The following B4GALT6 variants were observed in gnomAD, a reference collection of about 807,000 sequenced individuals.
The protein encoded by B4GALT6 is UDP-Gal:beta-GlcNAc beta-1,4-galactosyltransferase 6.
B4GALT6 carries 14 observed loss-of-function variants against 46.3 expected under a neutral mutation model. The observed-to-expected ratio is 0.30, with a 90% CI of 0.20 to 0.47. The LOEUF is 0.47. Ranked by LOEUF, B4GALT6 falls within the 20% of genes least tolerant of loss-of-function variation. B4GALT6 has a pLI of 0.99. For missense variants in B4GALT6, 386 were observed against 480.1 expected (o/e 0.80, Z 1.83); for synonymous variants, 168 against 162.0 (o/e 1.04, Z -0.28).
rs949043435 is a variant in B4GALT6, at chr18:31,622,524, T to C, written c.*3090A>G. ...TTTGAAAAACACATAAAGAAATATA[T>C]CAAAGACAAGCAAAGGCCAAATAAA... On this transcript the variant is annotated 3_prime_UTR_variant, in exon 9 of 9. Transcript: ENST00000306851. The C allele has an allele frequency of 3.3e-5, 5 of 151,920 alleles. No individual in the cohort carries two copies. Among genetic ancestry groups the C allele is most frequent in the African/African-American group, 1.2e-4 (5 of 41,398 alleles). The allele number at this position is 151,920 out of a possible 1,614,324, so 9.4% of individuals were successfully genotyped here.
In B4GALT6 at chr18:31,626,351, T is replaced by C; in HGVS notation, c.933A>G (p.Pro311=). 1 of 1,607,508 alleles carries C rather than the reference T, an allele frequency of 6.2e-7. No individual in the cohort carries two copies. Among genetic ancestry groups the C allele is most frequent in the Admixed American group, 1.7e-5 (1 of 59,844 alleles). ...VHYAGYNVTR[P]EGDLGKYKSI... Reference sequence around the variant, plus strand: ...ACTTGTATTTTCCTAAGTCTCCCTCTGGTCTGGTTACATTATATCCAGCAT... The same window carrying C: ...ACTTGTATTTTCCTAAGTCTCCCTCCGGTCTGGTTACATTATATCCAGCAT... The change falls in exon 8 of 9, where the codon CCA becomes CCG. Residue 311 remains proline, a synonymous_variant. Transcript: ENST00000306851.
intron 1 of B4GALT6, among the ~76,000 whole-genome samples, chr18:31,672,282 A>G (rs2074365508): frequency 6.6e-6 from 1 of 152,178 alleles, no homozygotes; most frequent in African/African-American, 2.4e-5. Context: ...TGAGAGGGAG[A>G]TGATGATCTT....
At chr18:31,638,998 A>G (rs2073897639) in intron 4 of B4GALT6, among the ~76,000 whole-genome samples, 1 of 152,232 alleles carries the variant, frequency 6.6e-6, no homozygotes, top group African/African-American at 2.4e-5. Flanking sequence ...TGTGGCCTTT[A>G]ACCTATGAAC....
chr18:31,647,909 A>G (rs77665596), intron 3 of B4GALT6, among the ~76,000 whole-genome samples: 1 of 152,208 alleles, frequency 6.6e-6, no homozygotes, highest in African/African-American at 2.4e-5. Context: ...CTCCCCCAAC[A>G]CAGCCACTTT....
intron 4 of B4GALT6, among the ~76,000 whole-genome samples, chr18:31,642,311 G>A (rs2073940024): frequency 6.6e-6 from 1 of 152,122 alleles, no homozygotes; most frequent in African/African-American, 2.4e-5. Flanking sequence ...TCAAAGCACT[G>A]GGATTACGGG....
the B4GALT6 span, among the ~76,000 whole-genome samples, chr18:31,721,342 C>A: frequency 1.7e-3 from 263 of 152,072 alleles, no homozygotes; most frequent in Admixed American, 2.7e-3. Flanking sequence ...TAAAAAAAAA[C>A]CAACAAAAGT....
the B4GALT6 span, among the ~76,000 whole-genome samples, chr18:31,702,885 A>T: frequency 4.4e-4 from 67 of 152,270 alleles, no homozygotes; most frequent in African/African-American, 1.5e-3. Flanking sequence ...GGGAAATGGG[A>T]GGTATGCAGC....
intron 5 of B4GALT6, among the ~76,000 whole-genome samples, chr18:31,632,220 G>A (rs2073799994): frequency 6.6e-6 from 1 of 152,108 alleles, no homozygotes; most frequent in African/African-American, 2.4e-5. Context: ...CTAATTTTTA[G>A]TCCTAGGCCT....
intron 3 of B4GALT6, among the ~76,000 whole-genome samples, chr18:31,651,176 A>G (rs926584800): frequency 6.6e-6 from 1 of 152,060 alleles, no homozygotes; most frequent in East Asian, 1.9e-4. Context: ...CACCTTATCT[A>G]CCACCCCCTC....
intron 2 of B4GALT6, among the ~76,000 whole-genome samples, chr18:31,663,612 G>C (rs907564285): frequency 3.3e-5 from 5 of 152,134 alleles, no homozygotes; most frequent in Admixed American, 2.6e-4. Context: ...TTATCATTTA[G>C]TGTTAAATTA....
chr18:31,684,629 G>A (rs2074521963), upstream of B4GALT6: 12 of 1,304,436 alleles, frequency 9.2e-6, no homozygotes, highest in Non-Finnish European at 9.8e-6. Flanking sequence ...GAGAGTCGGG[G>A]GAGGGGAGGC....
At chr18:31,718,453 A>G in the B4GALT6 span, among the ~76,000 whole-genome samples, 1 of 152,310 alleles carries the variant, frequency 6.6e-6, no homozygotes, top group South Asian at 2.1e-4. Context: ...CAAACAGTTC[A>G]GAAGTTGCCT....
chr18:31,666,103 T>C (rs2074279288), intron 2 of B4GALT6, among the ~76,000 whole-genome samples, 153 bp downstream of exon 2: 1 of 152,188 alleles, frequency 6.6e-6, no homozygotes, highest in Admixed American at 6.5e-5. Context: ...TAGGTAACAG[T>C]CTTGATTTGC....
chr18:31,654,260 T>G (rs1485535851), intron 3 of B4GALT6, among the ~76,000 whole-genome samples: 2 of 152,246 alleles, frequency 1.3e-5, no homozygotes, highest in African/African-American at 4.8e-5. Flanking sequence ...ATTGACATTT[T>G]CCATTTCTAC....
chr18:31,646,127 G>C (rs117246633), intron 3 of B4GALT6, among the ~76,000 whole-genome samples: 2,503 of 152,316 alleles, frequency 0.016, 27 homozygotes, highest in Non-Finnish European at 0.027. Flanking sequence ...TTTCTTAAGA[G>C]AGGGAATTTG....
intron 5 of B4GALT6, among the ~76,000 whole-genome samples, chr18:31,637,127 T>C (rs1295950209): frequency 6.6e-6 from 1 of 152,198 alleles, no homozygotes; most frequent in Non-Finnish European, 1.5e-5. Context: ...CCAAATTCTT[T>C]ATATTTACAC....
intron 4 of B4GALT6, among the ~76,000 whole-genome samples, chr18:31,639,510 A>G (rs1334565917): frequency 6.6e-6 from 1 of 152,228 alleles, no homozygotes; most frequent in Non-Finnish European, 1.5e-5. Flanking sequence ...GAAGTTTGAT[A>G]ATTAATATAT....
the B4GALT6 span, among the ~76,000 whole-genome samples, chr18:31,701,434 C>A: frequency 5.9e-5 from 9 of 152,292 alleles, no homozygotes; most frequent in South Asian, 1.2e-3. Flanking sequence ...AATTAAACTT[C>A]TTTTCTTTAT....
the B4GALT6 span, among the ~76,000 whole-genome samples, chr18:31,717,566 A>C: frequency 6.6e-6 from 1 of 151,994 alleles, no homozygotes; most frequent in South Asian, 2.1e-4. Context: ...ATAAATTATG[A>C]TGTAGATCTA....
Sources: allele counts gnomAD v4.1 joint callset (sites outside exome capture counted in the v4.1 genomes callset), GRCh38; gene constraint gnomAD v4.1.1; transcripts MANE v1.5; gene names NCBI Gene and HGNC (gene_info 2026-07-23, HGNC 2026-07-21).